The following ECE1 variants were observed in gnomAD, a reference collection of about 807,000 sequenced individuals.
The protein encoded by ECE1 is endothelin-converting enzyme 1.
ECE1 carries 35 observed loss-of-function variants against 98.6 expected under a neutral mutation model. That is an observed-to-expected ratio of 0.35 (90% CI 0.27 to 0.47). The LOEUF is 0.47. Among genes scored for constraint, ECE1 ranks in the 20% least tolerant of loss-of-function variants. The pLI, the probability that ECE1 is intolerant of heterozygous loss-of-function variation, is 1.00. For synonymous variants in ECE1, 394 were observed against 407.1 expected (o/e 0.97, Z 0.39); for missense variants, 814 against 1,025.3 (o/e 0.79, Z 2.81).
chr1:21,326,984 G>T (rs891422980), intron 1 of ECE1, among the ~76,000 whole-genome samples: 1 of 152,208 alleles, frequency 6.6e-6, no homozygotes, highest in Middle Eastern at 3.2e-3. Context: ...CACCTCTGTG[G>T]ACTCCGTCAA....
chr1:21,277,561 G>A (rs947871605), intron 3 of ECE1, among the ~76,000 whole-genome samples: 5 of 152,022 alleles, frequency 3.3e-5, no homozygotes, highest in Non-Finnish European at 7.4e-5. Context: ...TGTTAGCAGA[G>A]GAGGCACAAA....
intron 1 of ECE1, among the ~76,000 whole-genome samples, chr1:21,335,051 C>A (rs1639279364): frequency 6.6e-6 from 1 of 152,102 alleles, no homozygotes; most frequent in African/African-American, 2.4e-5. Flanking sequence ...GCTTGCCCCT[C>A]CAGGCCCACC....
At chr1:21,272,990 C>T in intron 3 of ECE1, 79 bp from the exon 4 acceptor site, 1 of 1,516,850 alleles carries the variant, frequency 6.6e-7, no homozygotes, top group South Asian at 1.1e-5. Flanking sequence ...GGCTTGGGGC[C>T]CAGGGGCCAC....
At chr1:21,326,678 T>C (rs995001520) in intron 1 of ECE1, among the ~76,000 whole-genome samples, 1 of 152,068 alleles carries the variant, frequency 6.6e-6, no homozygotes, top group Non-Finnish European at 1.5e-5. Flanking sequence ...CCTGCAGAGC[T>C]AAGAATCCAT....
chr1:21,237,097 A>G (rs1049123600), intron 11 of ECE1, among the ~76,000 whole-genome samples: 3 of 152,104 alleles, frequency 2.0e-5, no homozygotes, highest in Non-Finnish European at 2.9e-5. Flanking sequence ...GAAAGTTGGA[A>G]AAGTCTCTGC....
intron 14 of ECE1, among the ~76,000 whole-genome samples, chr1:21,232,131 T>C (rs1165464718): frequency 6.6e-6 from 1 of 152,062 alleles, no homozygotes; most frequent in African/African-American, 2.4e-5. Context: ...ATAGAGATGT[T>C]TGAACCCCTA....
intron 17 of ECE1, among the ~76,000 whole-genome samples, chr1:21,223,003 G>T (rs1231308704): frequency 1.3e-5 from 2 of 151,866 alleles, no homozygotes; most frequent in African/African-American, 2.4e-5. Context: ...TGGAGACAGG[G>T]TCTTACTGTC....
intron 1 of ECE1, among the ~76,000 whole-genome samples, chr1:21,330,806 A>G (rs1448829852): frequency 6.6e-6 from 1 of 151,890 alleles, no homozygotes; most frequent in Non-Finnish European, 1.5e-5. Context: ...GAAGGTCCCT[A>G]TCCGCTCACC....
At chr1:21,337,993 T>A (rs1402860288) in intron 1 of ECE1, among the ~76,000 whole-genome samples, 3 of 152,094 alleles carry the variant, frequency 2.0e-5, no homozygotes, top group African/African-American at 7.2e-5. Context: ...AGCTCATGTG[T>A]GTAATGGACT....
intron 3 of ECE1, among the ~76,000 whole-genome samples, chr1:21,273,137 G>A (rs1017030952): frequency 2.6e-5 from 4 of 152,230 alleles, no homozygotes; most frequent in Non-Finnish European, 5.9e-5. Context: ...AAGGTACCCA[G>A]AACCCAGGTG....
intron 1 of ECE1, among the ~76,000 whole-genome samples, chr1:21,318,359 G>A (rs561072555): frequency 1.3e-5 from 2 of 152,238 alleles, no homozygotes; most frequent in African/African-American, 4.8e-5. Flanking sequence ...GTGAAATTGG[G>A]TTTCAGGTCA....
intron 14 of ECE1, among the ~76,000 whole-genome samples, chr1:21,229,123 G>A (rs1216456634): frequency 6.6e-6 from 1 of 152,108 alleles, no homozygotes; most frequent in Non-Finnish European, 1.5e-5. Context: ...TTACAGGCAT[G>A]AGCCACTGCG....
rs577284404 is a variant in ECE1, at chr1:21,319,988, G to T, written c.3+25388C>A. ...CACAATGTAAGAAATATTGTCTTGG[G>T]TCACACATAAAATACACCAACGATA... On this transcript the variant is annotated intron_variant, in intron 1 of 18. Transcript: ENST00000415912. The surrounding 1 kb of genome is among the most constrained non-coding windows in gnomAD (Gnocchi z 4.4). Among the ~76,000 whole-genome samples the T allele has an allele frequency of 3.3e-4, 51 of 152,266 alleles. No homozygotes were observed. Among genetic ancestry groups the T allele is most frequent in the African/African-American group, 1.1e-3 (45 of 41,544 alleles).
chr1:21,251,705 C>G (rs898911661), intron 8 of ECE1, among the ~76,000 whole-genome samples: 4 of 152,158 alleles, frequency 2.6e-5, no homozygotes, highest in Non-Finnish European at 5.9e-5. Flanking sequence ...TAAGAATGAG[C>G]TAAGAATGAG....
chr1:21,287,966 A>G (rs1470046293), intron 2 of ECE1, among the ~76,000 whole-genome samples: 1 of 151,806 alleles, frequency 6.6e-6, no homozygotes, highest in East Asian at 1.9e-4. Context: ...TGGGGAAAAA[A>G]AAAAAAACAA....
In ECE1 at chr1:21,319,328, G is replaced by C. The variant is rs1176977826; in HGVS notation, c.3+26048C>G. On this transcript the variant is annotated intron_variant, in intron 1 of 18. Coordinates refer to the ECE1 transcript ENST00000415912. This position sits in a 1 kb window ranked among gnomAD's most constrained non-coding sequence, Gnocchi z 4.4. ...TCACTGCTTTCCAGCCTGGGAGACAGAGCGAGACTCCGTCTCAAAATAATA... is the reference window on the plus strand; with the variant it reads ...TCACTGCTTTCCAGCCTGGGAGACACAGCGAGACTCCGTCTCAAAATAATA... Among the ~76,000 whole-genome samples, 1 of 152,188 alleles carries C rather than the reference G, an allele frequency of 6.6e-6. No individual in the cohort carries two copies. The highest frequency in any genetic ancestry group is 1.5e-5 in the Non-Finnish European group (1 of 68,036).
chr1:21,276,995 G>A (rs1451029200), intron 3 of ECE1, among the ~76,000 whole-genome samples: 1 of 152,216 alleles, frequency 6.6e-6, no homozygotes, highest in Non-Finnish European at 1.5e-5. Flanking sequence ...TGGGATTACA[G>A]GCGTAAGCTA....
chr1:21,249,951 T>G (rs1193928016), intron 8 of ECE1, among the ~76,000 whole-genome samples: 5 of 151,462 alleles, frequency 3.3e-5, no homozygotes, highest in Non-Finnish European at 5.9e-5. Context: ...TTTTTTTTTT[T>G]TTTTTTTAAT....
At chr1:21,290,000 C>A in intron 2 of ECE1, 70 bp downstream of exon 2, 1 of 1,074,150 alleles carries the variant, frequency 9.3e-7, no homozygotes. Context: ...GGGCGGGGGG[C>A]GCGGCAGCGG....
Sources: allele counts gnomAD v4.1 joint callset (sites outside exome capture counted in the v4.1 genomes callset), GRCh38; gene constraint gnomAD v4.1.1; non-coding constraint Gnocchi (gnomAD v3.1); transcripts MANE v1.5; gene names NCBI Gene and HGNC (gene_info 2026-07-23, HGNC 2026-07-21).